Variants in FEZ2 observed in about 807,000 individuals in gnomAD.
The protein encoded by FEZ2 is fasciculation and elongation protein zeta-2.
Under a neutral mutation model 40.4 loss-of-function variants are expected in FEZ2, and 51 were observed. That is an observed-to-expected ratio of 1.26 (90% CI 1.01 to 1.59). The LOEUF (loss-of-function observed/expected upper bound fraction) is 1.59. Among genes scored for constraint, FEZ2 ranks in the 40% most tolerant of loss-of-function variants. The pLI is 0.00. For missense variants in FEZ2, 640 were observed against 438.3 expected (o/e 1.46, Z -4.11); for synonymous variants, 242 against 172.0 (o/e 1.41, Z -3.18).
At chr2:36,595,328 G>T (rs1669184954) in intron 1 of FEZ2, among the ~76,000 whole-genome samples, 1 of 151,872 alleles carries the variant, frequency 6.6e-6, no homozygotes, top group Non-Finnish European at 1.5e-5. Flanking sequence ...TTGTTTTCCT[G>T]CAACTAGATG....
chr2:36,560,323 A>G (rs1558441736), intron 5 of FEZ2, among the ~76,000 whole-genome samples: 1 of 152,226 alleles, frequency 6.6e-6, no homozygotes, highest in Non-Finnish European at 1.5e-5. Context: ...TTTCATTTAA[A>G]GGAGGTAAGA....
chr2:36,553,243 C>T (rs546311599), intron 7 of FEZ2, 64 bp from the exon 8 acceptor site: 2 of 1,152,650 alleles, frequency 1.7e-6, no homozygotes, highest in African/African-American at 1.6e-5. Flanking sequence ...ACAAAACATA[C>T]ATTTTACATG....
At chr2:36,558,376 G>T in intron 6 of FEZ2, 62 bp downstream of exon 6, 1 of 997,138 alleles carries the variant, frequency 1.0e-6, no homozygotes, top group Non-Finnish European at 1.5e-6. Context: ...GCCAACTAAA[G>T]TCAGGTGTTT....
intron 5 of FEZ2, among the ~76,000 whole-genome samples, chr2:36,577,383 G>C (rs1668604495): frequency 6.6e-6 from 1 of 152,020 alleles, no homozygotes; most frequent in African/African-American, 2.4e-5. Flanking sequence ...TCAGCCTCCA[G>C]AGTAGCTGGA....
At chr2:36,573,437 C>G (rs752382211) in intron 5 of FEZ2, among the ~76,000 whole-genome samples, 2 of 152,318 alleles carry the variant, frequency 1.3e-5, no homozygotes, top group East Asian at 3.9e-4. Flanking sequence ...CTGTGAATGT[C>G]TGATGTAACA....
chr2:36,566,663 C>T (rs776649708), intron 5 of FEZ2, among the ~76,000 whole-genome samples: 17 of 152,148 alleles, frequency 1.1e-4, no homozygotes, highest in Non-Finnish European at 2.2e-4. Context: ...AATCATAGCT[C>T]AGGCAAAAGT....
At chr2:36,595,764 A>T (rs1242590798) in intron 1 of FEZ2, among the ~76,000 whole-genome samples, 1 of 152,162 alleles carries the variant, frequency 6.6e-6, no homozygotes, top group African/African-American at 2.4e-5. Flanking sequence ...CCAGCTCCCA[A>T]CTCCCGGAAA....
chr2:36,593,754 A>G (rs1167626966), intron 1 of FEZ2, among the ~76,000 whole-genome samples: 12 of 151,780 alleles, frequency 7.9e-5, no homozygotes, highest in Non-Finnish European at 1.5e-5. Flanking sequence ...GCCTGGAGAC[A>G]TTTTCCCCAT....
Position 36,555,926 on chromosome 2 carries a change from T to C in FEZ2, c.980-178A>G. The C allele has an allele frequency of 4.4e-6, 3 of 677,946 alleles. No individual in the cohort carries two copies. The South Asian group carries it at 4.8e-5, about 11-fold the overall frequency. 42.0% of individuals were successfully genotyped at this position (677,946 alleles called of 1,614,324 possible). A position where few individuals can be genotyped will look rare whatever the true frequency, so the allele number is the denominator to read the frequency against. Reference sequence around the variant, plus strand: ...ACAATAAAGGCCCAATAATTTATTTTAGTGGAGTAAGTCCACAAGAATTTA... The same window carrying C: ...ACAATAAAGGCCCAATAATTTATTTCAGTGGAGTAAGTCCACAAGAATTTA... On this transcript the variant is annotated intron_variant, in intron 6 of 7. Coordinates refer to ENST00000405912, the MANE Select transcript of FEZ2 (RefSeq NM_005102.3).
At chr2:36,587,733 A>G (rs1236043774) in intron 2 of FEZ2, among the ~76,000 whole-genome samples, 1 of 152,222 alleles carries the variant, frequency 6.6e-6, no homozygotes, top group Non-Finnish European at 1.5e-5. Flanking sequence ...AATTTTACAT[A>G]GCTTAGTCAC....
intron 7 of FEZ2, 75 bp downstream of exon 7, chr2:36,555,608 G>A (rs1572997563): frequency 1.6e-5 from 12 of 728,408 alleles, no homozygotes; most frequent in South Asian, 2.1e-5. Context: ...ACTGTCTAAT[G>A]TATTAGCAAG....
intron 6 of FEZ2, chr2:36,556,035 TG>T (rs1380711270): frequency 3.6e-6 from 2 of 558,414 alleles, no homozygotes; most frequent in Non-Finnish European, 7.0e-6. Flanking sequence ...AAAGAGGAAC[TG>T]GGTTATTTAC....
chr2:36,566,001 T>C (rs769762305), intron 5 of FEZ2, among the ~76,000 whole-genome samples: 1 of 152,188 alleles, frequency 6.6e-6, no homozygotes, highest in Non-Finnish European at 1.5e-5. Flanking sequence ...TGGTTCATCA[T>C]TCAATCTGCA....
chr2:36,558,244 A>T (rs951172842), intron 6 of FEZ2, 194 bp downstream of exon 6: 22 of 380,556 alleles, frequency 5.8e-5, no homozygotes, highest in Non-Finnish European at 9.9e-5. Context: ...AAAAGTACAA[A>T]TCAACACTAG....
In FEZ2 at chr2:36,598,118, C is replaced by T. The variant is rs866404033; in HGVS notation, c.25G>A (p.Asp9Asn). The change falls in exon 1 of 8, where the codon GAT (aspartate) becomes AAT (asparagine). Residue 9 changes from aspartate (D) to asparagine (N), a missense_variant. Asp to Asn is a conservative substitution (Grantham distance 23). Coordinates refer to ENST00000405912, the MANE Select transcript of FEZ2 (RefSeq NM_005102.3). ...GCCGGCTCCTGGAACTCATAGAAAT[C>T]CTGCCAGTCCCCGTCCGCCGCCATC... MAADGDWQ[D>N]FYEFQEPARS... 6.8e-7 allele frequency: 1 copy of T among 1,481,116 alleles called. No homozygotes were observed. Among genetic ancestry groups the T allele is most frequent in the Non-Finnish European group, 8.9e-7 (1 of 1,124,244 alleles). The allele number at this position is 1,481,116 out of a possible 1,614,324, so 91.7% of individuals were successfully genotyped here.
chr2:36,573,954 C>G (rs919833525), intron 5 of FEZ2, among the ~76,000 whole-genome samples: 1 of 152,170 alleles, frequency 6.6e-6, no homozygotes, highest in Non-Finnish European at 1.5e-5. Context: ...ATTTAAAACT[C>G]TATATTCTTT....
intron 5 of FEZ2, among the ~76,000 whole-genome samples, chr2:36,569,243 T>C (rs1032950280): frequency 7.2e-5 from 11 of 152,204 alleles, no homozygotes; most frequent in Non-Finnish European, 1.3e-4. Flanking sequence ...TTGGCTATAA[T>C]TCCTAAAAAT....
chr2:36,575,886 C>T (rs1416798811), intron 5 of FEZ2, among the ~76,000 whole-genome samples: 1 of 151,428 alleles, frequency 6.6e-6, no homozygotes, highest in Non-Finnish European at 1.5e-5. Context: ...TTCAGTGAAA[C>T]ATACATGAAG....
intron 5 of FEZ2, among the ~76,000 whole-genome samples, chr2:36,576,269 C>T (rs1668564549): frequency 9.1e-6 from 1 of 110,422 alleles, no homozygotes; most frequent in Middle Eastern, 4.2e-3. Flanking sequence ...GCATTTTAGG[C>T]TTTTTATTTT....
Sources: gnomAD v4.1 joint callset for allele counts (sites outside exome capture counted in the v4.1 genomes callset) on GRCh38, gnomAD v4.1.1 for gene constraint, MANE v1.5 for transcripts, NCBI Gene and HGNC (gene_info 2026-07-23, HGNC 2026-07-21) for gene names.